SUPT3H: variants seen among roughly 807,000 people sequenced by gnomAD.
SUPT3H encodes transcription initiation protein SPT3 homolog.
Under a neutral mutation model 44.3 loss-of-function variants are expected in SUPT3H, and 44 were observed. The observed-to-expected ratio is 0.99, with a 90% CI of 0.78 to 1.28. The LOEUF (loss-of-function observed/expected upper bound fraction) is 1.28. Among genes scored for constraint, SUPT3H ranks in the 50% most tolerant of loss-of-function variants. The probability of loss-of-function intolerance (pLI) is 0.00; values close to 1 mark genes in which losing one functional copy is unlikely to be tolerated. For synonymous variants in SUPT3H, 124 were observed against 125.6 expected (o/e 0.99, Z 0.09); for missense variants, 380 against 387.1 (o/e 0.98, Z 0.15).
intron 3 of SUPT3H, among the ~76,000 whole-genome samples, chr6:45,061,651 T>C (rs980232368): frequency 5.3e-5 from 8 of 152,326 alleles, no homozygotes; most frequent in African/African-American, 1.9e-4. Flanking sequence ...TTTATGCTTT[T>C]AAAAACAATT....
At chr6:44,992,744 C>G (rs1582944751) in intron 6 of SUPT3H, among the ~76,000 whole-genome samples, 1 of 151,956 alleles carries the variant, frequency 6.6e-6, no homozygotes, top group Non-Finnish European at 1.5e-5. Context: ...GGGTGGGGGA[C>G]AAATGGGAAT....
At chr6:45,176,275 G>C (rs1331040782) in intron 2 of SUPT3H, among the ~76,000 whole-genome samples, 1 of 151,776 alleles carries the variant, frequency 6.6e-6, no homozygotes. Flanking sequence ...AGCGCGAGGG[G>C]TCAAGAACTT....
chr6:44,959,732 CA>C (rs1168756118), intron 7 of SUPT3H, among the ~76,000 whole-genome samples: 3 of 152,160 alleles, frequency 2.0e-5, no homozygotes, highest in Non-Finnish European at 4.4e-5. Flanking sequence ...AGCTTACCCT[CA>C]GCCTATAAAG....
intron 10 of SUPT3H, among the ~76,000 whole-genome samples, chr6:44,885,464 C>A (rs1762106815): frequency 6.6e-6 from 1 of 152,140 alleles, no homozygotes; most frequent in African/African-American, 2.4e-5. Flanking sequence ...TCACAAAAAT[C>A]CGCTGTTCTG....
chr6:44,983,873 C>A (rs1023487294), intron 6 of SUPT3H, among the ~76,000 whole-genome samples: 1 of 152,100 alleles, frequency 6.6e-6, no homozygotes, highest in African/African-American at 2.4e-5. Flanking sequence ...TTTCTATTTA[C>A]TTTTTCATTA....
intron 10 of SUPT3H, among the ~76,000 whole-genome samples, chr6:44,899,575 T>C (rs1764645630): frequency 6.6e-6 from 1 of 151,984 alleles, no homozygotes; most frequent in Non-Finnish European, 1.5e-5. Flanking sequence ...TAATCCCAGT[T>C]ACATGGGAGG....
chr6:45,061,800 T>C (rs188807166), intron 3 of SUPT3H, among the ~76,000 whole-genome samples: 22 of 152,036 alleles, frequency 1.4e-4, no homozygotes, highest in Admixed American at 1.3e-3. Context: ...CTAGTCATGA[T>C]ATCTTTGAAA....
intron 2 of SUPT3H, among the ~76,000 whole-genome samples, chr6:45,286,587 AAAC>A (rs1190973952): frequency 2.0e-5 from 3 of 152,204 alleles, no homozygotes; most frequent in Non-Finnish European, 4.4e-5. Context: ...AAAACTGAGG[AAAC>A]AACAGGTGCT....
chr6:44,882,404 AC>A (rs1473231906), intron 10 of SUPT3H, among the ~76,000 whole-genome samples: 2 of 152,166 alleles, frequency 1.3e-5, no homozygotes, highest in African/African-American at 2.4e-5. Context: ...TAGCCTACCA[AC>A]CAAAAAGAGT....
chr6:45,295,962 C>T (rs990704452), intron 2 of SUPT3H, among the ~76,000 whole-genome samples: 2 of 151,970 alleles, frequency 1.3e-5, no homozygotes, highest in African/African-American at 4.8e-5. Flanking sequence ...TTTGATCCAG[C>T]AATCCCAATC....
At position 45,116,107 on chromosome 6, in the gene SUPT3H, G is replaced by T. The variant is rs368274901; in HGVS notation, c.102-10101C>A. 5.3e-5 allele frequency among the ~76,000 whole-genome samples: 8 copies of T among 152,236 alleles called. No homozygotes were observed. The East Asian group carries it at 9.6e-4, about 18-fold the overall frequency. ...ATGTATCTCTCCTTTATGATAAGAAGAAATAAATCAAGTTTTCTGTTTTTA... is the reference window on the plus strand; with the variant it reads ...ATGTATCTCTCCTTTATGATAAGAATAAATAAATCAAGTTTTCTGTTTTTA... On this transcript the variant is annotated intron_variant, in intron 2 of 10. Coordinates refer to ENST00000371459, the MANE Select transcript of SUPT3H (RefSeq NM_003599.4).
chr6:45,270,874 T>C (rs1295640555), intron 2 of SUPT3H, among the ~76,000 whole-genome samples: 2 of 152,162 alleles, frequency 1.3e-5, no homozygotes, highest in Non-Finnish European at 2.9e-5. Context: ...ATATGAACAA[T>C]GAACTCCAGG....
intron 3 of SUPT3H, among the ~76,000 whole-genome samples, chr6:45,081,120 GAATA>G (rs769623985): frequency 1.6e-4 from 24 of 151,494 alleles, no homozygotes; most frequent in Non-Finnish European, 2.2e-4. Flanking sequence ...GAAATTAAAT[GAATA>G]AATAAACAAA....
intron 11 of SUPT3H, among the ~76,000 whole-genome samples, chr6:44,820,344 G>A (rs549641134): frequency 2.6e-5 from 4 of 152,124 alleles, no homozygotes; most frequent in Non-Finnish European, 5.9e-5. Flanking sequence ...TGTGATTTAG[G>A]AAGTACCAAA....
At chr6:45,217,703 C>G (rs141558386) in intron 2 of SUPT3H, among the ~76,000 whole-genome samples, 1 of 151,948 alleles carries the variant, frequency 6.6e-6, no homozygotes, top group Admixed American at 6.6e-5. Flanking sequence ...CCAGTCTGAT[C>G]GACATGGCAA....
At chr6:44,848,460 C>T (rs1772285101) in intron 10 of SUPT3H, among the ~76,000 whole-genome samples, 1 of 152,168 alleles carries the variant, frequency 6.6e-6, no homozygotes, top group Non-Finnish European at 1.5e-5. Context: ...GGGCAGAGAA[C>T]CACTAGGCTA....
chr6:45,198,023 T>C (rs953791015), intron 2 of SUPT3H, among the ~76,000 whole-genome samples: 3 of 151,276 alleles, frequency 2.0e-5, no homozygotes, highest in African/African-American at 7.2e-5. Flanking sequence ...ACTGCATTTC[T>C]AGAAATAAAA....
chr6:45,183,415 A>G (rs1443877404), intron 2 of SUPT3H, among the ~76,000 whole-genome samples: 1 of 152,226 alleles, frequency 6.6e-6, no homozygotes, highest in African/African-American at 2.4e-5. Context: ...AGTAACTGAG[A>G]CTAGATAATT....
intron 6 of SUPT3H, among the ~76,000 whole-genome samples, chr6:44,979,300 C>A (rs531190059): frequency 6.6e-6 from 1 of 152,184 alleles, no homozygotes; most frequent in African/African-American, 2.4e-5. Flanking sequence ...ATTTAAGAGA[C>A]AAGAAACATA....
Sources: gnomAD v4.1 joint callset for allele counts (sites outside exome capture counted in the v4.1 genomes callset) on GRCh38, gnomAD v4.1.1 for gene constraint, MANE v1.5 for transcripts, NCBI Gene and HGNC (gene_info 2026-07-23, HGNC 2026-07-21) for gene names.